Variants in LMLN observed in about 807,000 individuals in gnomAD.
The protein encoded by LMLN is leishmanolysin like peptidase.
A neutral mutation model predicts 92.3 loss-of-function variants in LMLN; 70 were observed. That is an observed-to-expected ratio of 0.76 (90% CI 0.63 to 0.92). The LOEUF (loss-of-function observed/expected upper bound fraction) is 0.92, where lower values mean the gene tolerates loss of function less well. LMLN is among the 40% of genes least tolerant of loss of function. The pLI, the probability that LMLN is intolerant of heterozygous loss-of-function variation, is 0.00. For synonymous variants in LMLN, 308 were observed against 296.2 expected (o/e 1.04, Z -0.41); for missense variants, 691 against 814.6 (o/e 0.85, Z 1.85).
intron 1 of LMLN, among the ~76,000 whole-genome samples, chr3:197,961,989 G>A (rs746472548): frequency 2.8e-4 from 43 of 152,010 alleles, no homozygotes; most frequent in Non-Finnish European, 4.6e-4. Context: ...CCCTACTTGA[G>A]TTACTGTTCT....
chr3:197,981,790 A>G (rs1483498589), intron 6 of LMLN, among the ~76,000 whole-genome samples: 1 of 151,658 alleles, frequency 6.6e-6, no homozygotes, highest in Non-Finnish European at 1.5e-5. Flanking sequence ...GCTGACTTCA[A>G]AGGGAGTCAG....
In LMLN at chr3:198,013,229, T is replaced by A. The variant is rs1483929338; in HGVS notation, c.1233-6024T>A. Among the ~76,000 whole-genome samples, 5 of 111,874 alleles carry A rather than the reference T, an allele frequency of 4.5e-5. No individual in the cohort carries two copies. In the East Asian group the frequency reaches 6.6e-4, roughly 15 times the overall value. 73.4% of individuals were successfully genotyped at this position (111,874 alleles called of 152,430 possible). On this transcript the variant is annotated intron_variant, in intron 11 of 15. Coordinates refer to ENST00000330198, the Ensembl canonical transcript of LMLN. ...ACCCTTCAGAGCCCCTTAACTAGTC[T>A]GACTTCTCTGTACCCTTCAGAGTCC...
At position 198,035,860 on chromosome 3, in the gene LMLN, GT is replaced by G; in HGVS notation, c.1687del (p.Trp563GlyfsTer22). The G allele has an allele frequency of 6.2e-7, 1 of 1,614,002 alleles. No individual in the cohort carries two copies. Among genetic ancestry groups the G allele is most frequent in the Non-Finnish European group, 8.5e-7 (1 of 1,179,982 alleles). ...TTCTTGTTCTCCTCAAGGTCTGAAA[GT>G]TTGGGTCCAAGATACTTCATATTTG... On this transcript the variant is annotated frameshift_variant, in exon 15 of 16. Transcript: ENST00000330198. LOFTEE classifies it high-confidence loss of function.
intron 1 of LMLN, among the ~76,000 whole-genome samples, chr3:197,967,623 G>A (rs1265161817): frequency 1.3e-5 from 2 of 152,206 alleles, no homozygotes; most frequent in African/African-American, 4.8e-5. Flanking sequence ...TGCACGTATT[G>A]TCTTGATAAA....
exon 16 of LMLN, chr3:198,039,232 A>T (rs1363314014): frequency 6.3e-6 from 1 of 157,746 alleles, no homozygotes; most frequent in Non-Finnish European, 1.4e-5. Flanking sequence ...TTCCTTTGAA[A>T]ATAGGATAAT....
At chr3:198,017,104 G>A (rs1437402399) in intron 11 of LMLN, among the ~76,000 whole-genome samples, 2 of 151,616 alleles carry the variant, frequency 1.3e-5, no homozygotes, top group African/African-American at 2.4e-5. Flanking sequence ...CCTGGGCAAC[G>A]AAACCCTGTC....
chr3:198,001,125 G>A (rs1015360936), intron 11 of LMLN, among the ~76,000 whole-genome samples: 2 of 152,018 alleles, frequency 1.3e-5, no homozygotes, highest in Non-Finnish European at 2.9e-5. Context: ...ACTAATGTAG[G>A]TGTTTCTGTT....
At chr3:198,035,623 A>G (rs1463350344) in intron 14 of LMLN, among the ~76,000 whole-genome samples, 1 of 151,966 alleles carries the variant, frequency 6.6e-6, no homozygotes, top group Non-Finnish European at 1.5e-5. Context: ...AGCCTCCCAA[A>G]GAGTGGGATT....
chr3:197,997,313 TC>T lies in LMLN; in HGVS notation c.1155+1032del, dbSNP rs373106086. 6.8e-3 allele frequency among the ~76,000 whole-genome samples: 1,035 copies of T among 152,160 alleles called. 5 individuals are homozygous for T. Among genetic ancestry groups the T allele is most frequent in the South Asian group, 0.018 (88 of 4,824 alleles). ...CCCAGCTAATTTTCTTTTTGTTCTT[TC>T]AGTAGAGATGGGTTTCACCATGTTG... On this transcript the variant is annotated intron_variant, in intron 10 of 15. Coordinates refer to ENST00000330198, the Ensembl canonical transcript of LMLN.
At chr3:198,037,223 G>A (rs997284633) in intron 15 of LMLN, among the ~76,000 whole-genome samples, 2 of 152,186 alleles carry the variant, frequency 1.3e-5, no homozygotes, top group African/African-American at 4.8e-5. Context: ...GGTGCGTGGG[G>A]CAAAGTTGTG....
At chr3:197,998,304 T>C (rs926567729) in intron 10 of LMLN, among the ~76,000 whole-genome samples, 1 of 152,230 alleles carries the variant, frequency 6.6e-6, no homozygotes, top group African/African-American at 2.4e-5. Flanking sequence ...AATACAATTC[T>C]GGAAAGAATG....
chr3:198,015,702 A>G (rs1722617376), intron 11 of LMLN, among the ~76,000 whole-genome samples: 1 of 148,494 alleles, frequency 6.7e-6, no homozygotes, highest in South Asian at 2.1e-4. Flanking sequence ...GAGTCCCCTA[A>G]CTAGTCTGAC....
chr3:198,017,069 C>A (rs1722659311), intron 11 of LMLN, among the ~76,000 whole-genome samples: 1 of 151,820 alleles, frequency 6.6e-6, no homozygotes, highest in African/African-American at 2.4e-5. Context: ...CTGCAGTGAG[C>A]AATGGTTGTG....
At chr3:198,001,330 A>G (rs1045845207) in intron 11 of LMLN, among the ~76,000 whole-genome samples, 2 of 152,202 alleles carry the variant, frequency 1.3e-5, no homozygotes, top group Non-Finnish European at 2.9e-5. Context: ...GTTGACTGCT[A>G]ATACAGAAAG....
In LMLN at chr3:198,016,208, A is replaced by C. The variant is rs972580690; in HGVS notation, c.1233-3045A>C. ...TGTTGCAAAAACAAAAAAAAAAAAAAAAAAAGGAAAAGAAAATACTATTCT... is the reference window on the plus strand; with the variant it reads ...TGTTGCAAAAACAAAAAAAAAAAAACAAAAAGGAAAAGAAAATACTATTCT... On this transcript the variant is annotated intron_variant, in intron 11 of 15. Coordinates refer to ENST00000330198, the Ensembl canonical transcript of LMLN. Among the ~76,000 whole-genome samples the C allele has an allele frequency of 1.1e-4, 16 of 149,886 alleles. 1 individual carries two copies. In the South Asian group the frequency reaches 1.5e-3, roughly 14 times the overall value.
intron 8 of LMLN, among the ~76,000 whole-genome samples, chr3:197,986,126 A>C (rs1721699745): frequency 6.6e-6 from 1 of 152,198 alleles, no homozygotes; most frequent in Non-Finnish European, 1.5e-5. Context: ...TTAAGCTGAT[A>C]ATTTGCAGTG....
At chr3:198,026,651 T>C (rs1158585663) in intron 14 of LMLN, among the ~76,000 whole-genome samples, 3 of 152,244 alleles carry the variant, frequency 2.0e-5, no homozygotes, top group African/African-American at 7.2e-5. Context: ...GCTCACTTTG[T>C]TCTTTGTCTA....
chr3:198,018,618 A>G (rs544569172), intron 11 of LMLN, among the ~76,000 whole-genome samples: 1 of 152,316 alleles, frequency 6.6e-6, no homozygotes, highest in East Asian at 1.9e-4. Flanking sequence ...CAAGTCATCA[A>G]TTTTCCTTAA....
chr3:197,995,578 G>A (rs914573380), intron 9 of LMLN, among the ~76,000 whole-genome samples: 2 of 152,106 alleles, frequency 1.3e-5, no homozygotes, highest in African/African-American at 4.8e-5. Flanking sequence ...AGGCTGGGGT[G>A]GGGGGAGATG....
Sources: gnomAD v4.1 joint callset for allele counts (sites outside exome capture counted in the v4.1 genomes callset) on GRCh38, gnomAD v4.1.1 for gene constraint, MANE v1.5 for transcripts, NCBI Gene and HGNC (gene_info 2026-07-23, HGNC 2026-07-21) for gene names.